TKTL1: variants seen among roughly 807,000 people sequenced by gnomAD.
TKTL1 encodes the protein transketolase like 1.
In TKTL1, 1 loss-of-function variant was observed where a neutral mutation model predicts 39.3. The ratio of observed to expected loss-of-function variants is 0.03; its 90% CI spans 0.01 to 0.12. TKTL1 has a LOEUF of 0.12. TKTL1 is among the 10% of genes least tolerant of loss of function. The probability of loss-of-function intolerance (pLI) is 1.00; values close to 1 mark genes in which losing one functional copy is unlikely to be tolerated. For missense variants in TKTL1, 575 were observed against 509.6 expected, an observed-to-expected ratio of 1.13 and a Z score of -1.24; for synonymous variants, 262 against 193.8, an observed-to-expected ratio of 1.35 and a Z score of -2.92.
At position 154,312,587 on chromosome X, in the gene TKTL1, G is replaced by A; in HGVS notation, c.678G>A (p.Glu226=). The A allele has an allele frequency of 8.3e-7, 1 of 1,208,450 alleles. No homozygotes were observed. ...TFKGRGTPSI[E]DAESWHAKPM... is the part of the protein sequence containing the mutation. ...TTGTTTGTTTCATTACAGGTATTGA[G>A]GATGCAGAAAGTTGGCATGCAAAGC... The change falls in exon 6 of 13, where the codon GAG becomes GAA. Residue 226 remains glutamate (E), a synonymous_variant. Coordinates refer to ENST00000369915, the MANE Select transcript of TKTL1 (RefSeq NM_012253.4).
At chrX:154,303,379 ATTT>A (rs1172255094) in intron 1 of TKTL1, among the ~76,000 whole-genome samples, 93 of 33,646 alleles carry the variant, frequency 2.8e-3, no homozygotes, top group African/African-American at 6.3e-3. Flanking sequence ...TGCCCAGCTA[ATTT>A]TTTTTTTTTT....
At chrX:154,329,008 G>A (rs1013817392) in intron 12 of TKTL1, among the ~76,000 whole-genome samples, 8 of 112,507 alleles carry the variant, frequency 7.1e-5, no homozygotes, top group Non-Finnish European at 1.3e-4. Flanking sequence ...CACCTCAAGT[G>A]TGTACTGGGG....
At position 154,305,124 on chromosome X, in the gene TKTL1, G is replaced by A. The variant is rs782411002; in HGVS notation, c.135-180G>A. The A allele has an allele frequency of 4.7e-5, 54 of 1,157,719 alleles. No homozygotes were observed. The Admixed American group carries it at 5.8e-4, about 13-fold the overall frequency. On this transcript the variant is annotated intron_variant, in intron 1 of 12. Coordinates refer to ENST00000369915, the MANE Select transcript of TKTL1 (RefSeq NM_012253.4). ...CCTCACTGTGCACAGGGGGAGGGGT[G>A]GTGAGCTTACCGGGCTTTAAAGCGC...
At chrX:154,300,412 A>G (rs1396143761) in intron 1 of TKTL1, among the ~76,000 whole-genome samples, 2 of 112,049 alleles carry the variant, frequency 1.8e-5, no homozygotes, top group Non-Finnish European at 3.8e-5. Flanking sequence ...TGAGCATGAG[A>G]TATCTTTGTT....
intron 1 of TKTL1, chrX:154,304,909 A>G (rs1022595806): frequency 9.4e-6 from 7 of 746,834 alleles, no homozygotes; most frequent in Middle Eastern, 3.5e-4. Flanking sequence ...GTCACCGTTC[A>G]CTTCCTAAAA....
chrX:154,305,190 G>T, intron 1 of TKTL1, 114 bp from the exon 2 acceptor site: 5 of 1,176,828 alleles, frequency 4.2e-6, no homozygotes, highest in Non-Finnish European at 5.7e-6. Context: ...CCCTTGGTTG[G>T]ATTCTTCCCG....
At position 154,312,646 on chromosome X, in the gene TKTL1, A is replaced by G. The variant is rs1048737670; in HGVS notation, c.737A>G (p.Lys246Arg). Residue 246 changes from lysine (K) to arginine (R), a missense_variant, in exon 6 of 13, where the codon AAA (lysine) becomes AGA (arginine). Lys to Arg is a conservative substitution (Grantham distance 26). Coordinates refer to ENST00000369915, the MANE Select transcript of TKTL1 (RefSeq NM_012253.4). Reference sequence around the variant, plus strand: ...AGAGAAAGAGCAGATGCCATTATCAAATTAATTGAGAGCCAGATACAGACC... The same window carrying G: ...AGAGAAAGAGCAGATGCCATTATCAGATTAATTGAGAGCCAGATACAGACC... ...MPRERADAII[K>R]LIESQIQTSR... is the part of the protein sequence containing the mutation. 1.7e-5 allele frequency: 21 copies of G among 1,211,640 alleles called. No homozygotes were observed. The highest frequency in any genetic ancestry group is 2.3e-5 in the Non-Finnish European group (21 of 895,387).
intron 10 of TKTL1, 69 bp downstream of exon 10, chrX:154,325,491 A>G: frequency 1.1e-6 from 1 of 944,310 alleles, no homozygotes; most frequent in East Asian, 3.1e-5. Context: ...TGAATCTATC[A>G]CCAGCTATCT....
chrX:154,323,277 C>A lies in TKTL1; in HGVS notation c.1257C>A (p.Ile419=). Residue 419 remains isoleucine, a synonymous_variant, in exon 9 of 13, where the codon ATC becomes ATA. Transcript: ENST00000369915. ...AMFRTIPKCT[I]FYPTDAVSTE... is the part of the protein sequence containing the mutation. ...TCCGAACCATTCCCAAGTGCACGAT[C>A]TTCTACCCAACTGATGCCGTCTCCA... 8.3e-7 allele frequency: 1 copy of A among 1,211,653 alleles called. No individual in the cohort carries two copies. Among genetic ancestry groups the A allele is most frequent in the South Asian group, 1.8e-5 (1 of 56,987 alleles).
intron 7 of TKTL1, among the ~76,000 whole-genome samples, chrX:154,317,246 G>A (rs782467525): frequency 1.6e-4 from 18 of 112,168 alleles, no homozygotes; most frequent in African/African-American, 5.8e-4. Flanking sequence ...AAGAAAAGGC[G>A]AGCAGGTGGT....
At chrX:154,299,609 T>A (rs1033252632) in intron 1 of TKTL1, among the ~76,000 whole-genome samples, 3 of 111,279 alleles carry the variant, frequency 2.7e-5, no homozygotes, top group Non-Finnish European at 5.7e-5. Context: ...ATCCCTCACC[T>A]CCTTCCTACC....
intron 7 of TKTL1, among the ~76,000 whole-genome samples, chrX:154,318,615 G>A (rs966821165): frequency 2.8e-5 from 3 of 106,946 alleles, no homozygotes; most frequent in Non-Finnish European, 5.8e-5. Flanking sequence ...GGCTGAGGCA[G>A]GAGAATGGCG....
chrX:154,307,854 CTTGAG>C (rs1426628739), intron 2 of TKTL1, among the ~76,000 whole-genome samples: 3 of 111,874 alleles, frequency 2.7e-5, no homozygotes, highest in African/African-American at 6.5e-5. Flanking sequence ...TCAAAAGAGA[CTTGAG>C]TTGAGTGGGG....
At chrX:154,297,039 T>C (rs1383222994) in intron 1 of TKTL1, among the ~76,000 whole-genome samples, 1 of 111,201 alleles carries the variant, frequency 9.0e-6, no homozygotes, top group Non-Finnish European at 1.9e-5. Context: ...ACGCCTGCAG[T>C]CTCAGTACGT....
intron 1 of TKTL1, among the ~76,000 whole-genome samples, chrX:154,299,648 C>A (rs981877164): frequency 9.0e-6 from 1 of 110,993 alleles, no homozygotes; most frequent in Admixed American, 9.7e-5. Flanking sequence ...CCCCAAAGTC[C>A]GTTATATCAC....
Position 154,323,228 on chromosome X carries a change from T to C in TKTL1, c.1208T>C (p.Met403Thr). ...TCAGGTGACGATGGTGCTTCCCAGA[T>C]GGCCCTGGAGGATATAGCCATGTTC... ...VSVGDDGASQ[M>T]ALEDIAMFRT... The change falls in exon 9 of 13, where the codon ATG (methionine) becomes ACG (threonine). Residue 403 changes from methionine (M) to threonine (T), a missense_variant. Physicochemically the swap from Met to Thr is moderately conservative, Grantham distance 81. Coordinates refer to ENST00000369915, the MANE Select transcript of TKTL1 (RefSeq NM_012253.4). The C allele has an allele frequency of 8.3e-7, 1 of 1,210,913 alleles. No individual in the cohort carries two copies. Among genetic ancestry groups the C allele is most frequent in the South Asian group, 1.8e-5 (1 of 56,741 alleles).
intron 5 of TKTL1, among the ~76,000 whole-genome samples, chrX:154,312,167 C>A (rs1557168484): frequency 1.8e-5 from 2 of 112,522 alleles, no homozygotes; most frequent in Non-Finnish European, 3.8e-5. Context: ...CCATGGTCTG[C>A]CCTACCTGTC....
chrX:154,312,608 A>G lies in TKTL1; in HGVS notation c.699A>G (p.Ala233=), dbSNP rs1394660275. The G allele has an allele frequency of 8.3e-7, 1 of 1,209,960 alleles. No homozygotes were observed. The highest frequency in any genetic ancestry group is 2.2e-5 in the Admixed American group (1 of 45,570). The change falls in exon 6 of 13, where the codon GCA becomes GCG. Residue 233 remains alanine (A), a synonymous_variant. Transcript: ENST00000369915. ...TTGAGGATGCAGAAAGTTGGCATGC[A>G]AAGCCAATGCCGAGAGAAAGAGCAG... ...PSIEDAESWH[A]KPMPRERADA... is the part of the protein sequence containing the mutation.
intron 1 of TKTL1, 131 bp from the exon 2 acceptor site, chrX:154,305,173 T>C (rs1557166958): frequency 8.5e-7 from 1 of 1,177,885 alleles, no homozygotes; most frequent in South Asian, 1.9e-5. Flanking sequence ...GAGCCCTGCA[T>C]TCCTTACCCT....
Sources: allele counts gnomAD v4.1 joint callset (sites outside exome capture counted in the v4.1 genomes callset), GRCh38; gene constraint gnomAD v4.1.1; transcripts MANE v1.5; gene names NCBI Gene and HGNC (gene_info 2026-07-23, HGNC 2026-07-21).